The following HUWE1 variants were observed in gnomAD, a reference collection of about 807,000 sequenced individuals.
The protein encoded by HUWE1 is HECT, UBA and WWE domain containing E3 ubiquitin protein ligase 1.
Under a neutral mutation model 299.4 loss-of-function variants are expected in HUWE1, and 18 were observed. The ratio of observed to expected loss-of-function variants is 0.06; its 90% CI spans 0.04 to 0.09. The LOEUF (loss-of-function observed/expected upper bound fraction) is 0.09. Among genes scored for constraint, HUWE1 ranks in the 10% least tolerant of loss-of-function variants. The probability of loss-of-function intolerance (pLI) is 1.00; values close to 1 mark genes in which losing one functional copy is unlikely to be tolerated. For synonymous variants in HUWE1, 1,317 were observed against 1,286.1 expected (o/e 1.02, Z -0.51); for missense variants, 1,832 against 3,462.3 (o/e 0.53, Z 11.82).
chrX:53,568,767 T>C lies in HUWE1; in HGVS notation c.6632A>G (p.Asn2211Ser), dbSNP rs797044958. 12 of 1,211,003 alleles carry C rather than the reference T, an allele frequency of 9.9e-6. No homozygotes were observed. The highest frequency in any genetic ancestry group is 1.3e-5 in the Non-Finnish European group (12 of 894,957). The part of the protein sequence containing the change: ...TAKTQHNGMN[N>S]IIRLFLKKGL... ...CTTCTTCAGGAAAAGCCGAATGATG[T>C]TGTTCATGCCATTGTGCTGGGTCTT... Residue 2211 changes from asparagine to serine, a missense_variant, in exon 49 of 84, where the codon AAC becomes AGC. Physicochemically the swap from Asn to Ser is conservative, Grantham distance 46 (BLOSUM62 1). Transcript: ENST00000262854.
intron 3 of HUWE1, 37 bp from the exon 4 acceptor site, chrX:53,654,168 A>C (rs1261652552): frequency 2.4e-6 from 2 of 839,641 alleles, no homozygotes; most frequent in Admixed American, 4.9e-5. Context: ...TGAGAACTTA[A>C]AGCTACAATC....
chrX:53,622,833 C>T (rs1469647789), intron 19 of HUWE1, among the ~76,000 whole-genome samples: 1 of 111,960 alleles, frequency 8.9e-6, no homozygotes, highest in African/African-American at 3.3e-5. Context: ...CTCAGAACTC[C>T]CTGATGTCTT....
chrX:53,653,223 G>A (rs977462766), intron 4 of HUWE1, among the ~76,000 whole-genome samples: 10 of 112,213 alleles, frequency 8.9e-5, no homozygotes, highest in Admixed American at 3.8e-4. Flanking sequence ...TACTTGCCAG[G>A]TACTTTTACA....
intron 3 of HUWE1, among the ~76,000 whole-genome samples, chrX:53,667,110 T>C (rs186961668): frequency 8.9e-6 from 1 of 111,955 alleles, no homozygotes; most frequent in Admixed American, 9.4e-5. Context: ...AATCGTAATA[T>C]AAAGGCAACG....
At chrX:53,683,728 C>A (rs2070314299) in intron 2 of HUWE1, 2 of 275,995 alleles carry the variant, frequency 7.2e-6, no homozygotes, top group Admixed American at 1.3e-4. Context: ...CTCCTTAACG[C>A]TGGGCACCTC....
chrX:53,590,552 C>A (rs1556977868), intron 34 of HUWE1, 53 bp from the exon 35 acceptor site: 1 of 888,158 alleles, frequency 1.1e-6, no homozygotes, highest in Non-Finnish European at 1.7e-6. Context: ...ACAAAGAAAC[C>A]CAACAAGACC....
At chrX:53,547,532 G>GT in intron 68 of HUWE1, 141 bp downstream of exon 68, 1 of 936,984 alleles carries the variant, frequency 1.1e-6, no homozygotes, top group Non-Finnish European at 1.5e-6. Context: ...ACAGATGAGG[G>GT]TGAGAATGAA....
At chrX:53,548,498 T>G (rs2061639391) in intron 67 of HUWE1, among the ~76,000 whole-genome samples, 1 of 112,833 alleles carries the variant, frequency 8.9e-6, no homozygotes, top group Non-Finnish European at 1.9e-5. Context: ...TTCCTGAGCT[T>G]TAGTCTCGCA....
chrX:53,661,249 T>C (rs782759258), intron 3 of HUWE1, among the ~76,000 whole-genome samples: 1 of 111,736 alleles, frequency 8.9e-6, no homozygotes, highest in South Asian at 3.7e-4. Context: ...TTAGCCAGGA[T>C]GGTCTCGATC....
chrX:53,642,715 T>C (rs1193708065), intron 7 of HUWE1, among the ~76,000 whole-genome samples: 1 of 112,418 alleles, frequency 8.9e-6, no homozygotes, highest in Non-Finnish European at 1.9e-5. Flanking sequence ...CTGTACCTTG[T>C]TTTATTTTTA....
intron 23 of HUWE1, among the ~76,000 whole-genome samples, chrX:53,611,086 G>C (rs868988350): frequency 1.9e-5 from 2 of 107,418 alleles, no homozygotes; most frequent in Middle Eastern, 9.5e-3. Flanking sequence ...ACCTGGCGTA[G>C]ACTATAGTGC....
chrX:53,581,412 T>C (rs1374238330), intron 42 of HUWE1, among the ~76,000 whole-genome samples: 1 of 112,296 alleles, frequency 8.9e-6, no homozygotes, highest in Admixed American at 9.4e-5. Context: ...TTAAATATTT[T>C]CTTTATGCCT....
In HUWE1 at chrX:53,590,982, G is replaced by C. The variant is rs1481697113; in HGVS notation, c.4095+18C>G. On this transcript the variant is annotated intron_variant, in intron 34 of 83. Transcript: ENST00000262854. ...CAAACCAATATCCTGGAAAATCACT[G>C]CTTCTGAGCCAACTTACCCGAACAA... 1.7e-5 allele frequency: 20 copies of C among 1,208,861 alleles called. No individual in the cohort carries two copies. The highest frequency in any genetic ancestry group is 2.1e-5 in the Non-Finnish European group (19 of 894,707).
Position 53,575,863 on chromosome X carries a change from T to C in HUWE1, c.5885-75A>G. The C allele has an allele frequency of 3.9e-6, 4 of 1,028,984 alleles. 1 individual carries two copies. The South Asian group carries it at 8.0e-5, about 21-fold the overall frequency. 84.8% of individuals were successfully genotyped at this position (1,028,984 alleles called of 1,213,427 possible). On this transcript the variant is annotated intron_variant, in intron 44 of 83. Transcript: ENST00000262854. ...TTGGACAATGTTAAGGCCTATCTAG[T>C]CAGTCTTGGTCAATTTCACATCAAG... is the stretch of plus-strand genomic sequence containing the variant.
intron 8 of HUWE1, among the ~76,000 whole-genome samples, chrX:53,632,952 G>A (rs2066967329): frequency 8.9e-6 from 1 of 112,479 alleles, no homozygotes; most frequent in Non-Finnish European, 1.9e-5. Flanking sequence ...CCAGAAACCA[G>A]CTAAAGAATG....
At chrX:53,614,082 T>C (rs2065656657) in intron 23 of HUWE1, among the ~76,000 whole-genome samples, 1 of 110,798 alleles carries the variant, frequency 9.0e-6, no homozygotes. Flanking sequence ...CTGGTCAACA[T>C]GGTGAAACCC....
chrX:53,645,736 A>AAAAAAAT (rs2067967606), intron 6 of HUWE1, among the ~76,000 whole-genome samples: 2 of 26,134 alleles, frequency 7.7e-5, no homozygotes, highest in African/African-American at 3.0e-4. Flanking sequence ...AAAAAAAAAA[A>AAAAAAAT]ATATATATAT....
chrX:53,632,684 G>A, intron 8 of HUWE1, 120 bp from the exon 9 acceptor site: 1 of 551,127 alleles, frequency 1.8e-6, no homozygotes. Flanking sequence ...AGAAGAATAA[G>A]CAGTACATTC....
chrX:53,547,018 C>T (rs782725379), intron 68 of HUWE1, among the ~76,000 whole-genome samples, 193 bp from the exon 69 acceptor site: 2 of 112,002 alleles, frequency 1.8e-5, no homozygotes, highest in African/African-American at 3.2e-5. Context: ...ATTACAGACA[C>T]GGTCTCGCTC....
Sources: gnomAD v4.1 joint callset for allele counts (sites outside exome capture counted in the v4.1 genomes callset) on GRCh38, gnomAD v4.1.1 for gene constraint, MANE v1.5 for transcripts, NCBI Gene and HGNC (gene_info 2026-07-23, HGNC 2026-07-21) for gene names.